Variants in DENND1A observed in about 807,000 individuals in gnomAD.
DENND1A encodes the protein DENN domain containing 1A, also known as DENN domain-containing protein 1A.
In DENND1A, 51 loss-of-function variants were observed where a neutral mutation model predicts 113.7. That is an observed-to-expected ratio of 0.45 (90% CI 0.36 to 0.57). The LOEUF is 0.57. Among genes scored for constraint, DENND1A ranks in the 20% least tolerant of loss-of-function variants. DENND1A has a pLI of 0.00. For missense variants in DENND1A, 1,258 were observed against 1,395.9 expected, an observed-to-expected ratio of 0.90 and a Z score of 1.57; for synonymous variants, 565 against 570.8, an observed-to-expected ratio of 0.99 and a Z score of 0.14.
chr9:123,400,286 T>C (rs1226935597), intron 21 of DENND1A: 1 of 152,216 alleles, frequency 6.6e-6, no homozygotes, highest in Non-Finnish European at 1.5e-5. Context: ...TTTGGGAAAA[T>C]GCAAGTCAAC....
intron 5 of DENND1A, among the ~76,000 whole-genome samples, chr9:123,689,988 CA>C (rs1177148396): frequency 7.3e-6 from 1 of 137,228 alleles, no homozygotes; most frequent in African/African-American, 2.7e-5. Flanking sequence ...GAGTCTGTAC[CA>C]AAAAAGAAAA....
chr9:123,770,959 C>T (rs543351429), intron 3 of DENND1A, among the ~76,000 whole-genome samples: 9 of 152,246 alleles, frequency 5.9e-5, no homozygotes, highest in East Asian at 1.9e-4. Flanking sequence ...GAGCATGTTC[C>T]GCCTACATAA....
intron 21 of DENND1A, among the ~76,000 whole-genome samples, chr9:123,396,771 T>C (rs1250774590): frequency 1.3e-5 from 2 of 152,222 alleles, no homozygotes; most frequent in Non-Finnish European, 1.5e-5. Context: ...GAAGTTTTCC[T>C]TGTCCAGAAG....
intron 12 of DENND1A, among the ~76,000 whole-genome samples, chr9:123,572,640 A>G (rs994559421): frequency 1.3e-5 from 2 of 152,024 alleles, no homozygotes; most frequent in Non-Finnish European, 2.9e-5. Flanking sequence ...ATTTTAATTG[A>G]GCTATCTTCT....
chr9:123,742,020 G>C (rs940434599), intron 5 of DENND1A, among the ~76,000 whole-genome samples: 1 of 152,230 alleles, frequency 6.6e-6, no homozygotes, highest in African/African-American at 2.4e-5. Flanking sequence ...TGCTCTCAGA[G>C]CGAAGGGTAT....
rs1189064905 is a variant in DENND1A, at chr9:123,422,959, A to G, written c.1489-11130T>C. ...ACCGCCAGGATCCTAACGAAGACCA[A>G]CTGCTGGAAAATCTCACTGTCAAAT... is the stretch of plus-strand genomic sequence containing the variant. On this transcript the variant is annotated intron_variant, in intron 19 of 23. Transcript: ENST00000394215. The surrounding 1 kb of genome is among the most constrained non-coding windows in gnomAD (Gnocchi z 4.8). 6.6e-6 allele frequency among the ~76,000 whole-genome samples: 1 copy of G among 152,220 alleles called. No individual in the cohort carries two copies. Among genetic ancestry groups the G allele is most frequent in the Non-Finnish European group, 1.5e-5 (1 of 68,032 alleles).
At chr9:123,870,102 T>C (rs982827340) in intron 2 of DENND1A, among the ~76,000 whole-genome samples, 2 of 150,496 alleles carry the variant, frequency 1.3e-5, no homozygotes, top group Non-Finnish European at 3.0e-5. Flanking sequence ...AAATATAGAA[T>C]AGCTGAAGTA....
chr9:123,670,823 G>A (rs749829255), intron 7 of DENND1A, among the ~76,000 whole-genome samples: 16 of 152,196 alleles, frequency 1.1e-4, no homozygotes, highest in Admixed American at 2.6e-4. Context: ...GATTTCTCTG[G>A]AAATAAAATC....
intron 8 of DENND1A, among the ~76,000 whole-genome samples, chr9:123,665,333 A>G (rs1167779396): frequency 6.6e-6 from 1 of 152,206 alleles, no homozygotes; most frequent in Non-Finnish European, 1.5e-5. Flanking sequence ...AATGGAGAAA[A>G]GCACCAAATA....
At chr9:123,651,407 T>TGC (rs59720799) in intron 9 of DENND1A, among the ~76,000 whole-genome samples, 10,317 of 152,306 alleles carry the variant, frequency 0.068, 445 homozygotes, top group African/African-American at 0.11. Flanking sequence ...CGTGCGCACA[T>TGC]GCGCGCACAC....
In DENND1A at chr9:123,818,606, C is replaced by T. The variant is rs891367341; in HGVS notation, c.89-25976G>A. Among the ~76,000 whole-genome samples the T allele has an allele frequency of 2.6e-5, 4 of 150,960 alleles. No homozygotes were observed. In the South Asian group the frequency reaches 6.3e-4, roughly 24 times the overall value. On this transcript the variant is annotated intron_variant, in intron 2 of 23. Transcript: ENST00000394215. ...TATAAAATGAGATCTTGGAATGGCA[C>T]CCAAGTCTAAACACAAAATTCATTT... is the stretch of plus-strand genomic sequence containing the variant.
rs147718432 is a variant in DENND1A, at chr9:123,469,466, G to A, written c.994-11569C>T. 4.6e-5 allele frequency among the ~76,000 whole-genome samples: 7 copies of A among 152,358 alleles called. No individual in the cohort carries two copies. The East Asian group carries it at 1.2e-3, about 25-fold the overall frequency. ...CAGTAAAGACATTCAAATCACAGGC[G>A]TGTCGGCCCACGCCTCGGCTCCTCT... On this transcript the variant is annotated intron_variant, in intron 13 of 23. Coordinates refer to ENST00000394215, the MANE Select transcript of DENND1A (RefSeq NM_001352964.2).
chr9:123,864,494 A>G (rs763126147), intron 2 of DENND1A, among the ~76,000 whole-genome samples: 14 of 152,220 alleles, frequency 9.2e-5, no homozygotes, highest in Non-Finnish European at 1.9e-4. Context: ...TAAATGCCTC[A>G]TTGTACTGTG....
intron 4 of DENND1A, among the ~76,000 whole-genome samples, chr9:123,761,480 G>T (rs76572026): frequency 0.044 from 6,640 of 152,274 alleles, 183 homozygotes; most frequent in Non-Finnish European, 0.064. Context: ...TCTGTGAGTA[G>T]AGGAAGAAGT....
intron 5 of DENND1A, among the ~76,000 whole-genome samples, chr9:123,754,255 G>A (rs1469595804): frequency 1.3e-5 from 2 of 152,104 alleles, no homozygotes; most frequent in Admixed American, 1.3e-4. Context: ...CATTCTCTTG[G>A]CAGACCTCTC....
At chr9:123,391,288 C>T (rs1470629866) in intron 21 of DENND1A, among the ~76,000 whole-genome samples, 1 of 152,208 alleles carries the variant, frequency 6.6e-6, no homozygotes, top group African/African-American at 2.4e-5. Flanking sequence ...CAGGGTACAT[C>T]CAGGTGAGAA....
intron 2 of DENND1A, among the ~76,000 whole-genome samples, chr9:123,813,392 G>C (rs1218502293): frequency 6.6e-6 from 1 of 151,324 alleles, no homozygotes. Context: ...TTTTATCAAG[G>C]CTGTGAGTAG....
At chr9:123,614,627 G>A (rs2060562861) in intron 10 of DENND1A, among the ~76,000 whole-genome samples, 1 of 152,112 alleles carries the variant, frequency 6.6e-6, no homozygotes, top group African/African-American at 2.4e-5. Flanking sequence ...AAGACAAAGT[G>A]GGAGGGGAGA....
chr9:123,826,249 AAAT>A (rs1839311097), intron 2 of DENND1A, among the ~76,000 whole-genome samples: 1 of 152,030 alleles, frequency 6.6e-6, no homozygotes, highest in African/African-American at 2.4e-5. Flanking sequence ...CAAAAAATAC[AAAT>A]ATTAGCCAGG....
Sources: gnomAD v4.1 joint callset for allele counts (sites outside exome capture counted in the v4.1 genomes callset) on GRCh38, gnomAD v4.1.1 for gene constraint, Gnocchi (gnomAD v3.1) non-coding constraint, MANE v1.5 for transcripts, NCBI Gene and HGNC (gene_info 2026-07-23, HGNC 2026-07-21) for gene names.